ZMAT3: variants seen among roughly 807,000 people sequenced by gnomAD.
The protein encoded by ZMAT3 is zinc finger matrin-type 3, also known as zinc finger matrin-type protein 3.
Under a neutral mutation model 32.3 loss-of-function variants are expected in ZMAT3, and 17 were observed. The observed-to-expected ratio is 0.53, with a 90% CI of 0.36 to 0.79. The LOEUF (loss-of-function observed/expected upper bound fraction) is 0.79. Among genes scored for constraint, ZMAT3 ranks in the 30% least tolerant of loss-of-function variants. ZMAT3 has a pLI of 0.00. For missense variants in ZMAT3, 329 were observed against 359.7 expected, an observed-to-expected ratio of 0.91 and a Z score of 0.69; for synonymous variants, 120 against 133.1, an observed-to-expected ratio of 0.90 and a Z score of 0.68.
chr3:179,029,607 G>A (rs1271590682), intron 3 of ZMAT3, among the ~76,000 whole-genome samples: 1 of 151,884 alleles, frequency 6.6e-6, no homozygotes, highest in East Asian at 1.9e-4. Flanking sequence ...GAGACTACAG[G>A]CACACACCAC....
At chr3:179,064,187 T>C (rs2108587292) in intron 2 of ZMAT3, among the ~76,000 whole-genome samples, 1 of 152,340 alleles carries the variant, frequency 6.6e-6, no homozygotes, top group East Asian at 1.9e-4. Context: ...ATCACAGTGA[T>C]TTATCACTTC....
Position 179,051,031 on chromosome 3 carries a change from T to C in ZMAT3, c.270+16452A>G, listed in dbSNP as rs552553994. The stretch of plus-strand genomic sequence containing the variant: ...TATGACAAACCCACAGCCAACATTA[T>C]ACTGAATGCGGAAAAGTTGAAAGCA... On this transcript the variant is annotated intron_variant, in intron 2 of 5. Transcript: ENST00000311417. Among the ~76,000 whole-genome samples, 32 of 152,302 alleles carry C rather than the reference T, an allele frequency of 2.1e-4. No homozygotes were observed. In the South Asian group the frequency reaches 6.4e-3, roughly 31 times the overall value.
At chr3:179,062,116 G>T (rs1721180258) in intron 2 of ZMAT3, among the ~76,000 whole-genome samples, 1 of 152,144 alleles carries the variant, frequency 6.6e-6, no homozygotes, top group African/African-American at 2.4e-5. Flanking sequence ...TTAGGAGAAA[G>T]TTGTTACCAT....
At chr3:179,062,484 A>G (rs1327405209) in intron 2 of ZMAT3, among the ~76,000 whole-genome samples, 1 of 152,218 alleles carries the variant, frequency 6.6e-6, no homozygotes, top group Non-Finnish European at 1.5e-5. Context: ...AAGGGTATCT[A>G]TCATTTCGAA....
At chr3:179,034,290 G>C (rs922051551) in intron 2 of ZMAT3, among the ~76,000 whole-genome samples, 1 of 152,104 alleles carries the variant, frequency 6.6e-6, no homozygotes, top group African/African-American at 2.4e-5. Context: ...TACCCTAAAG[G>C]TGCTTTTACC....
intron 2 of ZMAT3, among the ~76,000 whole-genome samples, chr3:179,042,993 A>G (rs898653869): frequency 6.6e-6 from 1 of 152,206 alleles, no homozygotes; most frequent in Non-Finnish European, 1.5e-5. Flanking sequence ...AAACAATAAA[A>G]TACCTAGGAA....
intron 2 of ZMAT3, among the ~76,000 whole-genome samples, chr3:179,043,038 A>G (rs537910828): frequency 3.3e-4 from 51 of 152,288 alleles, no homozygotes; most frequent in African/African-American, 1.2e-3. Flanking sequence ...ACCTCTTCAA[A>G]GAGAGCTACA....
intron 1 of ZMAT3, 40 bp from the exon 2 acceptor site, chr3:179,067,849 G>C: frequency 1.3e-6 from 2 of 1,515,640 alleles, no homozygotes; most frequent in Admixed American, 4.2e-5. Context: ...AAACTCACTT[G>C]AAAATCAGAC....
chr3:179,042,710 G>A (rs1238540130), intron 2 of ZMAT3, among the ~76,000 whole-genome samples: 1 of 152,210 alleles, frequency 6.6e-6, no homozygotes, highest in Non-Finnish European at 1.5e-5. Context: ...CATAGTGTTG[G>A]AAGTTCTGGC....
rs60865369 is a variant in ZMAT3 at position 179,058,767 on chromosome 3, A to G, written c.270+8716T>C. On this transcript the variant is annotated intron_variant, in intron 2 of 5. Transcript: ENST00000311417. ...CGAGACTCCGTCTCAAAAAAAAAAA[A>G]AAAAAAGAAAAAAGAAAAAGGACTT... Among the ~76,000 whole-genome samples the G allele has an allele frequency of 0.014, 2,096 of 151,268 alleles. 134 individuals carry two copies. In the East Asian group the frequency reaches 0.22, roughly 16 times the overall value.
chr3:179,030,949 A>G lies in ZMAT3; in HGVS notation c.321T>C (p.Cys107=). Reference sequence around the variant, plus strand: ...CATTGCTCATTCTAGCAGGAGGAGGACAGCTATTTGCTGCATAGTAATTTC... The same window carrying G: ...CATTGCTCATTCTAGCAGGAGGAGGGCAGCTATTTGCTGCATAGTAATTTC... The part of the protein sequence containing the change: ...KLRNYYAANS[C]PPPARMSNVV... Residue 107 remains cysteine, a synonymous_variant, in exon 3 of 6, where the codon TGT becomes TGC. Transcript: ENST00000311417. The G allele has an allele frequency of 6.2e-7, 1 of 1,613,968 alleles. No individual in the cohort carries two copies. Among genetic ancestry groups the G allele is most frequent in the Non-Finnish European group, 8.5e-7 (1 of 1,179,926 alleles).
Position 179,060,387 on chromosome 3 carries a change from AT to A in ZMAT3, c.270+7095del, listed in dbSNP as rs879766842. The stretch of plus-strand genomic sequence containing the variant: ...TGGAGAATAGTGACTAAGAAAGAAT[AT>A]TTTTTTTTTTTGGGAGACCAAGGCA... On this transcript the variant is annotated intron_variant, in intron 2 of 5. Coordinates refer to ENST00000311417, the MANE Select transcript of ZMAT3 (RefSeq NM_022470.4). Among the ~76,000 whole-genome samples the A allele has an allele frequency of 3.5e-3, 515 of 147,088 alleles. 3 individuals carry two copies. Among genetic ancestry groups the A allele is most frequent in the African/African-American group, 9.0e-3 (363 of 40,360 alleles).
At chr3:179,031,339 CTG>C (rs1291670395) in intron 2 of ZMAT3, among the ~76,000 whole-genome samples, 4 of 150,744 alleles carry the variant, frequency 2.7e-5, no homozygotes, top group Non-Finnish European at 4.4e-5. Context: ...AAAATGAAAA[CTG>C]TAATCACCAT....
At chr3:179,049,689 C>T (rs1720436545) in intron 2 of ZMAT3, among the ~76,000 whole-genome samples, 1 of 152,088 alleles carries the variant, frequency 6.6e-6, no homozygotes, top group African/African-American at 2.4e-5. Context: ...CATTAACTGC[C>T]TACATCAAAA....
At chr3:179,036,499 T>C (rs1352484313) in intron 2 of ZMAT3, among the ~76,000 whole-genome samples, 1 of 151,842 alleles carries the variant, frequency 6.6e-6, no homozygotes, top group African/African-American at 2.4e-5. Context: ...AATGGCTAGA[T>C]AAAGGAGAAA....
intron 2 of ZMAT3, among the ~76,000 whole-genome samples, chr3:179,045,107 A>G (rs1720159098): frequency 6.6e-6 from 1 of 152,094 alleles, no homozygotes; most frequent in Non-Finnish European, 1.5e-5. Flanking sequence ...TCGGTGATAG[A>G]GAGCAAAGGA....
In ZMAT3 at chr3:179,024,200, A is replaced by G. The variant is rs1718725252; in HGVS notation, c.*817T>C. ...TGTGTGAAATCCACAACTGGAAATCAAGTTTAGCTGTTTGGAAGTATACAA... is the reference window on the plus strand; with the variant it reads ...TGTGTGAAATCCACAACTGGAAATCGAGTTTAGCTGTTTGGAAGTATACAA... On this transcript the variant is annotated 3_prime_UTR_variant, in exon 6 of 6. Transcript: ENST00000311417. 6.6e-6 allele frequency: 1 copy of G among 152,170 alleles called. No individual in the cohort carries two copies. The highest frequency in any genetic ancestry group is 6.5e-5 in the Admixed American group (1 of 15,276). The allele number at this position is 152,170 out of a possible 1,614,324, so 9.4% of individuals were successfully genotyped here.
At chr3:179,034,422 A>G (rs1163022538) in intron 2 of ZMAT3, among the ~76,000 whole-genome samples, 1 of 152,118 alleles carries the variant, frequency 6.6e-6, no homozygotes, top group Non-Finnish European at 1.5e-5. Flanking sequence ...ACTATCATCT[A>G]TACTCCTTCT....
At chr3:179,062,523 AGAG>A (rs1204219071) in intron 2 of ZMAT3, among the ~76,000 whole-genome samples, 1 of 152,152 alleles carries the variant, frequency 6.6e-6, no homozygotes, top group Non-Finnish European at 1.5e-5. Flanking sequence ...GGGGTAGACT[AGAG>A]GAGGAGGCAA....
Sources: allele counts gnomAD v4.1 joint callset (sites outside exome capture counted in the v4.1 genomes callset), GRCh38; gene constraint gnomAD v4.1.1; transcripts MANE v1.5; gene names NCBI Gene and HGNC (gene_info 2026-07-23, HGNC 2026-07-21).